The following PPFIA2 variants were observed in gnomAD, a reference collection of about 807,000 sequenced individuals.
The protein encoded by PPFIA2 is liprin-alpha-2.
Under a neutral mutation model 175.5 loss-of-function variants are expected in PPFIA2, and 46 were observed. The observed-to-expected ratio is 0.26, with a 90% CI of 0.21 to 0.34. The LOEUF (loss-of-function observed/expected upper bound fraction) is 0.34, where lower values mean the gene tolerates loss of function less well. Ranked by LOEUF, PPFIA2 falls within the 10% of genes least tolerant of loss-of-function variation. The probability of loss-of-function intolerance (pLI) is 1.00; values close to 1 mark genes in which losing one functional copy is unlikely to be tolerated. For synonymous variants in PPFIA2, 568 were observed against 511.4 expected (o/e 1.11, Z -1.49); for missense variants, 1,179 against 1,506.1 (o/e 0.78, Z 3.60).
At position 81,277,298 on chromosome 12, in the gene PPFIA2, T is replaced by A; in HGVS notation, c.3310+19A>T. 1 of 1,520,998 alleles carries A rather than the reference T, an allele frequency of 6.6e-7. No individual in the cohort carries two copies. The allele number at this position is 1,520,998 out of a possible 1,614,324, so 94.2% of individuals were successfully genotyped here. A position where few individuals can be genotyped will look rare whatever the true frequency, so the allele number is the denominator to read the frequency against. Reference sequence around the variant, plus strand: ...AACCCCAGAATAAAGGCATTTCATATGAAAGAAAGATATATTACCTTTTAT... The same window carrying A: ...AACCCCAGAATAAAGGCATTTCATAAGAAAGAAAGATATATTACCTTTTAT... On this transcript the variant is annotated intron_variant, in intron 28 of 32. Transcript: ENST00000549396.
chr12:81,599,211 T>G (rs767567446), intron 4 of PPFIA2, among the ~76,000 whole-genome samples: 146 of 152,090 alleles, frequency 9.6e-4, no homozygotes, highest in South Asian at 1.0e-3. Context: ...CCAAAAGTGG[T>G]GTCTTTGTGA....
At chr12:81,284,097 A>C in intron 25 of PPFIA2, 144 bp downstream of exon 25, 3 of 649,778 alleles carry the variant, frequency 4.6e-6, no homozygotes, top group Admixed American at 5.5e-5. Context: ...AGTAAAAGAA[A>C]ACTGTAAAAA....
chr12:81,440,802 A>G (rs1244314895), intron 6 of PPFIA2, among the ~76,000 whole-genome samples: 1 of 147,718 alleles, frequency 6.8e-6, no homozygotes, highest in Non-Finnish European at 1.5e-5. Context: ...TTAGATCTAT[A>G]TATATGTCCT....
Position 81,270,704 on chromosome 12 carries a change from T to C in PPFIA2, c.3311-2617A>G, listed in dbSNP as rs566446986. Reference sequence around the variant, plus strand: ...GTCTGGAACTTCTAGTGTGTAAAAGTGTGAGACAACACATTTCTGTTGTTT... The same window carrying C: ...GTCTGGAACTTCTAGTGTGTAAAAGCGTGAGACAACACATTTCTGTTGTTT... On this transcript the variant is annotated intron_variant, in intron 28 of 32. Coordinates refer to ENST00000549396, the MANE Select transcript of PPFIA2 (RefSeq NM_003625.5). 4.1e-4 allele frequency: 62 copies of C among 152,284 alleles called. 1 individual carries two copies. The highest frequency in any genetic ancestry group is 3.9e-3 in the Admixed American group (60 of 15,292). The allele number at this position is 152,284 out of a possible 1,614,324, so 9.4% of individuals were successfully genotyped here. A position where few individuals can be genotyped will look rare whatever the true frequency, so the allele number is the denominator to read the frequency against.
chr12:81,264,146 C>A (rs1261424223), intron 30 of PPFIA2, among the ~76,000 whole-genome samples: 2 of 152,138 alleles, frequency 1.3e-5, no homozygotes, highest in East Asian at 1.9e-4. Context: ...TAGTTCATTA[C>A]TATCAGGAAG....
intron 4 of PPFIA2, among the ~76,000 whole-genome samples, chr12:81,522,589 C>T (rs757480459): frequency 2.6e-5 from 4 of 152,192 alleles, no homozygotes; most frequent in Non-Finnish European, 5.9e-5. Context: ...TGCTATAATT[C>T]ATCCTACACT....
chr12:81,734,965 T>C lies in PPFIA2; in HGVS notation c.249+19008A>G, dbSNP rs149751827. Among the ~76,000 whole-genome samples the C allele has an allele frequency of 3.0e-3, 450 of 151,948 alleles. 3 individuals are homozygous for C. Among genetic ancestry groups the C allele is most frequent in the Non-Finnish European group, 4.9e-3 (335 of 67,858 alleles). Reference sequence around the variant, plus strand: ...GGGCTTCCTTCATTTAGCATGATGATTTTTAAAGTTTCATTCTTGTTGTAG... The same window carrying C: ...GGGCTTCCTTCATTTAGCATGATGACTTTTAAAGTTTCATTCTTGTTGTAG... On this transcript the variant is annotated intron_variant, in intron 3 of 32. Transcript: ENST00000549396.
intron 7 of PPFIA2, among the ~76,000 whole-genome samples, chr12:81,410,820 A>C (rs773611661): frequency 1.3e-5 from 2 of 151,966 alleles, no homozygotes; most frequent in Non-Finnish European, 2.9e-5. Flanking sequence ...TCTATCTACT[A>C]AGGAAGGTAA....
intron 4 of PPFIA2, among the ~76,000 whole-genome samples, chr12:81,590,656 G>A (rs1264558736): frequency 6.6e-6 from 1 of 152,024 alleles, no homozygotes; most frequent in African/African-American, 2.4e-5. Flanking sequence ...CTGTTCTCAT[G>A]ATAGTGAATG....
chr12:81,324,566 T>A (rs1285550919), intron 22 of PPFIA2, among the ~76,000 whole-genome samples: 1 of 152,042 alleles, frequency 6.6e-6, no homozygotes, highest in Non-Finnish European at 1.5e-5. Context: ...CAAAGGAAAG[T>A]ATTTTTTAGA....
intron 7 of PPFIA2, among the ~76,000 whole-genome samples, chr12:81,432,134 T>C (rs1451622488): frequency 6.6e-6 from 1 of 152,162 alleles, no homozygotes; most frequent in Non-Finnish European, 1.5e-5. Flanking sequence ...TTTTTAAGTG[T>C]GCCCTTTAAG....
chr12:81,733,409 A>G (rs1264862419), intron 3 of PPFIA2, among the ~76,000 whole-genome samples: 1 of 151,660 alleles, frequency 6.6e-6, no homozygotes, highest in Non-Finnish European at 1.5e-5. Context: ...CATTGAGCCT[A>G]TAGTTAATAC....
At position 81,615,008 on chromosome 12, in the gene PPFIA2, G is replaced by A. The variant is rs563571020; in HGVS notation, c.303+61783C>T. On this transcript the variant is annotated intron_variant, in intron 4 of 32. Coordinates refer to ENST00000549396, the MANE Select transcript of PPFIA2 (RefSeq NM_003625.5). The stretch of plus-strand genomic sequence containing the variant: ...AAATTACATCTTGGTACTGCTTTGT[G>A]TGACACGGATTTTAAATCTGTGCAG... Among the ~76,000 whole-genome samples, 7 of 152,236 alleles carry A rather than the reference G, an allele frequency of 4.6e-5. No homozygotes were observed. The South Asian group carries it at 1.5e-3, about 32-fold the overall frequency.
At chr12:81,335,384 G>A (rs757949682) in intron 21 of PPFIA2, among the ~76,000 whole-genome samples, 2 of 152,142 alleles carry the variant, frequency 1.3e-5, no homozygotes, top group African/African-American at 4.8e-5. Context: ...TATCGGTCCT[G>A]TTGTCATGGG....
intron 5 of PPFIA2, among the ~76,000 whole-genome samples, chr12:81,448,584 C>T (rs1019974310): frequency 6.6e-6 from 1 of 152,162 alleles, no homozygotes; most frequent in African/African-American, 2.4e-5. Context: ...ATTTTCTGAA[C>T]TTATCTCCTA....
intron 4 of PPFIA2, among the ~76,000 whole-genome samples, chr12:81,584,293 C>T (rs775426115): frequency 5.3e-5 from 8 of 151,758 alleles, no homozygotes; most frequent in Non-Finnish European, 7.4e-5. Flanking sequence ...AATTATAATG[C>T]TCGAAATACA....
intron 17 of PPFIA2, among the ~76,000 whole-genome samples, chr12:81,352,689 A>C (rs1157249792): frequency 6.6e-6 from 1 of 152,184 alleles, no homozygotes. Context: ...AAGGAATCTG[A>C]ATGCACATTA....
chr12:81,640,971 A>T (rs878946549), intron 4 of PPFIA2, among the ~76,000 whole-genome samples: 1 of 152,064 alleles, frequency 6.6e-6, no homozygotes, highest in Admixed American at 6.5e-5. Flanking sequence ...AATGAAATCG[A>T]TTCTTTATTG....
At chr12:81,605,627 C>CT (rs1280221606) in intron 4 of PPFIA2, among the ~76,000 whole-genome samples, 1 of 148,462 alleles carries the variant, frequency 6.7e-6, no homozygotes, top group East Asian at 1.9e-4. Flanking sequence ...ACTAGCCTGT[C>CT]TGTCTATCCA....
Sources: allele counts gnomAD v4.1 joint callset (sites outside exome capture counted in the v4.1 genomes callset), GRCh38; gene constraint gnomAD v4.1.1; transcripts MANE v1.5; gene names NCBI Gene and HGNC (gene_info 2026-07-23, HGNC 2026-07-21).